The following SULF2 variants were observed in gnomAD, a reference collection of about 807,000 sequenced individuals.
SULF2 encodes extracellular sulfatase Sulf-2.
A neutral mutation model predicts 107.7 loss-of-function variants in SULF2; 52 were observed. The ratio of observed to expected loss-of-function variants is 0.48; its 90% CI spans 0.39 to 0.61. SULF2 has a LOEUF of 0.61. Ranked by LOEUF, SULF2 falls within the 20% of genes least tolerant of loss-of-function variation. SULF2 has a pLI of 0.00. For missense variants in SULF2, 993 were observed against 1,177.3 expected, an observed-to-expected ratio of 0.84 and a Z score of 2.29; for synonymous variants, 460 against 464.3, an observed-to-expected ratio of 0.99 and a Z score of 0.12.
chr20:47,747,232 T>C (rs2090065564), intron 2 of SULF2, among the ~76,000 whole-genome samples: 1 of 152,112 alleles, frequency 6.6e-6, no homozygotes, highest in Admixed American at 6.6e-5. Context: ...TAAAGACAAA[T>C]GTTATTGCTG....
chr20:47,772,263 G>A (rs537775804), intron 1 of SULF2, among the ~76,000 whole-genome samples: 1 of 152,218 alleles, frequency 6.6e-6, no homozygotes, highest in Non-Finnish European at 1.5e-5. Flanking sequence ...ATCATTCTTC[G>A]ATGGGGGACT....
chr20:47,746,982 T>TAAA (rs61191776), intron 2 of SULF2, among the ~76,000 whole-genome samples: 111 of 121,124 alleles, frequency 9.2e-4, no homozygotes, highest in African/African-American at 1.1e-3. Context: ...CTTAAATAAA[T>TAAA]AAAAAAAAAA....
intron 1 of SULF2, among the ~76,000 whole-genome samples, chr20:47,766,726 G>A (rs1169518805): frequency 6.6e-6 from 1 of 152,166 alleles, no homozygotes; most frequent in Non-Finnish European, 1.5e-5. Flanking sequence ...CAGAAAAGAG[G>A]ACTGGAAATA....
intron 5 of SULF2, 151 bp from the exon 6 acceptor site, chr20:47,684,732 G>T: frequency 1.5e-6 from 1 of 682,104 alleles, no homozygotes; most frequent in Non-Finnish European, 2.4e-6. Flanking sequence ...GGGGACATTG[G>T]CATGTCAGGG....
intron 1 of SULF2, among the ~76,000 whole-genome samples, chr20:47,782,614 A>G (rs1276010255): frequency 6.6e-6 from 1 of 151,986 alleles, no homozygotes; most frequent in Non-Finnish European, 1.5e-5. Context: ...CCTCTAGGAG[A>G]GCTTTTGCTC....
chr20:47,774,443 C>A (rs577398326), intron 1 of SULF2, among the ~76,000 whole-genome samples: 1 of 152,280 alleles, frequency 6.6e-6, no homozygotes, highest in South Asian at 2.1e-4. Flanking sequence ...CTTTCAGGAG[C>A]CAGAAGCAAA....
In SULF2 at chr20:47,677,168, C is replaced by T. The variant is rs538537138; in HGVS notation, c.1194-34G>A. The T allele has an allele frequency of 6.4e-5, 104 of 1,612,554 alleles. No individual in the cohort carries two copies. In the South Asian group the frequency reaches 1.0e-3, roughly 16 times the overall value. On this transcript the variant is annotated intron_variant, in intron 8 of 20. Coordinates refer to ENST00000688720, the MANE Select transcript of SULF2 (RefSeq NM_001387048.1). ...AAGCACGGCTCCTGCTTCTCAGCAA[C>T]ATGAGGGCTTCCCACGACCCCCCGT...
chr20:47,764,447 C>T (rs1451792190), intron 1 of SULF2, among the ~76,000 whole-genome samples: 1 of 148,878 alleles, frequency 6.7e-6, no homozygotes, highest in East Asian at 1.9e-4. Flanking sequence ...TTATTTCCCA[C>T]CCCCCCTTAT....
chr20:47,775,436 G>A (rs2090707348), intron 1 of SULF2, among the ~76,000 whole-genome samples: 3 of 152,134 alleles, frequency 2.0e-5, no homozygotes, highest in Admixed American at 6.6e-5. Context: ...AGAACCACCT[G>A]GTCAAACCAC....
At chr20:47,744,477 G>A (rs1448965146) in intron 2 of SULF2, among the ~76,000 whole-genome samples, 1 of 152,198 alleles carries the variant, frequency 6.6e-6, no homozygotes, top group African/African-American at 2.4e-5. Context: ...AACAATGGGA[G>A]AGGGCAGGAT....
At chr20:47,702,427 C>T in intron 4 of SULF2, 92 bp downstream of exon 4, 1 of 1,461,746 alleles carries the variant, frequency 6.8e-7, no homozygotes, top group Non-Finnish European at 9.2e-7. Flanking sequence ...GTGCCTGAGT[C>T]ACAATCTGAA....
At chr20:47,716,265 T>C (rs1290374401) in intron 3 of SULF2, among the ~76,000 whole-genome samples, 2 of 152,172 alleles carry the variant, frequency 1.3e-5, no homozygotes, top group Admixed American at 1.3e-4. Flanking sequence ...AAATGATAAA[T>C]AGAGGCTGGG....
chr20:47,757,427 T>G lies in SULF2; in HGVS notation c.-64A>C. On this transcript the variant is annotated 5_prime_UTR_variant, in exon 2 of 21. Transcript: ENST00000688720. ...GGGAGTCTCAAGTTGCGTCTGTGGCTTTGTTTCTTTTCCCTCGTCCCTCTT... is the reference window on the plus strand; with the variant it reads ...GGGAGTCTCAAGTTGCGTCTGTGGCGTTGTTTCTTTTCCCTCGTCCCTCTT... 1 of 1,488,226 alleles carries G rather than the reference T, an allele frequency of 6.7e-7. No homozygotes were observed. Among genetic ancestry groups the G allele is most frequent in the African/African-American group, 1.4e-5 (1 of 71,130 alleles). 92.2% of individuals were successfully genotyped at this position (1,488,226 alleles called of 1,614,324 possible).
intron 1 of SULF2, among the ~76,000 whole-genome samples, chr20:47,781,062 GATT>G (rs1344019208): frequency 6.6e-6 from 1 of 152,248 alleles, no homozygotes; most frequent in East Asian, 1.9e-4. Context: ...ACAGCCAGAT[GATT>G]CTCATGGTGG....
chr20:47,661,670 G>T, intron 18 of SULF2, 103 bp downstream of exon 18: 1 of 1,257,082 alleles, frequency 8.0e-7, no homozygotes, highest in East Asian at 2.7e-5. Flanking sequence ...ACCTCCCAAA[G>T]CCTGGTGATT....
At position 47,710,537 on chromosome 20, in the gene SULF2, C is replaced by A. The variant is rs145846685; in HGVS notation, c.416-7867G>T. ...GGCGTGTAATGCACTCCATGATGTTCGCACAATGACAGAATCACCTAACGA... is the reference window on the plus strand; with the variant it reads ...GGCGTGTAATGCACTCCATGATGTTAGCACAATGACAGAATCACCTAACGA... On this transcript the variant is annotated intron_variant, in intron 3 of 20. Coordinates refer to ENST00000688720, the MANE Select transcript of SULF2 (RefSeq NM_001387048.1). Among the ~76,000 whole-genome samples, 93 of 151,928 alleles carry A rather than the reference C, an allele frequency of 6.1e-4. No individual in the cohort carries two copies. In the East Asian group the frequency reaches 0.016, roughly 27 times the overall value.
chr20:47,715,420 C>T (rs1156258926), intron 3 of SULF2, among the ~76,000 whole-genome samples: 2 of 152,128 alleles, frequency 1.3e-5, no homozygotes, highest in East Asian at 3.8e-4. Flanking sequence ...AGGGCAGCGG[C>T]TTTCTGAGTC....
intron 11 of SULF2, among the ~76,000 whole-genome samples, chr20:47,670,602 AGG>A (rs1283902295): frequency 1.7e-5 from 1 of 60,126 alleles, no homozygotes; most frequent in Non-Finnish European, 3.3e-5. Context: ...CACTTACATG[AGG>A]CCCCTAAAGC....
chr20:47,728,547 G>T (rs891056706), intron 3 of SULF2, among the ~76,000 whole-genome samples: 1 of 152,150 alleles, frequency 6.6e-6, no homozygotes, highest in African/African-American at 2.4e-5. Context: ...GTCATCCTGG[G>T]AAGGTCTCCT....
Sources: allele counts gnomAD v4.1 joint callset (sites outside exome capture counted in the v4.1 genomes callset), GRCh38; gene constraint gnomAD v4.1.1; transcripts MANE v1.5; gene names NCBI Gene and HGNC (gene_info 2026-07-23, HGNC 2026-07-21).